Variants in PPP1R12B observed in about 807,000 individuals in gnomAD.
The protein encoded by PPP1R12B is myosin phosphatase target subunit 2.
PPP1R12B carries 76 observed loss-of-function variants against 126.1 expected under a neutral mutation model. The ratio of observed to expected loss-of-function variants is 0.60; its 90% CI spans 0.50 to 0.73. The LOEUF (loss-of-function observed/expected upper bound fraction) is 0.73. Among genes scored for constraint, PPP1R12B ranks in the 30% least tolerant of loss-of-function variants. The pLI is 0.00. For synonymous variants in PPP1R12B, 356 were observed against 434.7 expected (o/e 0.82, Z 2.25); for missense variants, 1,052 against 1,205.1 (o/e 0.87, Z 1.88).
chr1:202,528,761 A>G (rs1683617100), intron 18 of PPP1R12B, among the ~76,000 whole-genome samples: 1 of 151,654 alleles, frequency 6.6e-6, no homozygotes, highest in South Asian at 2.1e-4. Flanking sequence ...TTTTTTACAT[A>G]TATACACAGA....
rs1404033073 is a variant in PPP1R12B at position 202,588,572 on chromosome 1, A to ACTGT, written c.*8015_*8018dup. 1.3e-5 allele frequency: 2 copies of ACTGT among 152,578 alleles called. No individual in the cohort carries two copies. Among genetic ancestry groups the ACTGT allele is most frequent in the African/African-American group, 4.8e-5 (2 of 41,420 alleles). 9.5% of individuals were successfully genotyped at this position (152,578 alleles called of 1,614,324 possible). A position where few individuals can be genotyped will look rare whatever the true frequency, so the allele number is the denominator to read the frequency against. The stretch of plus-strand genomic sequence containing the variant: ...AATAAAACTGTGTTTTAACTTTGTG[A>ACTGT]CTGTCTCCACAGTTCAGAGCATGGG... On this transcript the variant is annotated 3_prime_UTR_variant, in exon 24 of 24. Coordinates refer to ENST00000608999, the MANE Select transcript of PPP1R12B (RefSeq NM_002481.4).
intron 14 of PPP1R12B, among the ~76,000 whole-genome samples, chr1:202,490,367 G>A (rs1678698884): frequency 1.3e-5 from 2 of 152,098 alleles, no homozygotes; most frequent in African/African-American, 4.8e-5. Flanking sequence ...CCCAAAGTAG[G>A]TCATGTATTC....
At chr1:202,365,999 G>GC (rs895584481) in intron 1 of PPP1R12B, among the ~76,000 whole-genome samples, 7 of 150,882 alleles carry the variant, frequency 4.6e-5, no homozygotes, top group East Asian at 2.0e-4. Flanking sequence ...CTCCACTCCC[G>GC]CCCCCCCACA....
intron 13 of PPP1R12B, among the ~76,000 whole-genome samples, chr1:202,486,668 G>C (rs1344310786): frequency 1.3e-5 from 2 of 152,174 alleles, no homozygotes; most frequent in Non-Finnish European, 1.5e-5. Context: ...TTAGCAGGGC[G>C]TAGTGGCGTG....
chr1:202,435,841 A>T (rs1670737941), intron 9 of PPP1R12B, among the ~76,000 whole-genome samples: 1 of 152,244 alleles, frequency 6.6e-6, no homozygotes, highest in Non-Finnish European at 1.5e-5. Flanking sequence ...TAGAAGCATC[A>T]TCGTGAATAA....
At chr1:202,370,824 C>T (rs2148447412) in intron 1 of PPP1R12B, among the ~76,000 whole-genome samples, 2 of 152,222 alleles carry the variant, frequency 1.3e-5, no homozygotes, top group South Asian at 4.2e-4. Flanking sequence ...AGGCATCAGC[C>T]ATCGTGCCCG....
At chr1:202,363,850 CT>C (rs1658661631) in intron 1 of PPP1R12B, among the ~76,000 whole-genome samples, 1 of 152,164 alleles carries the variant, frequency 6.6e-6, no homozygotes, top group Non-Finnish European at 1.5e-5. Context: ...CAGCCTCTGC[CT>C]TAGGGTTCAA....
At chr1:202,445,044 A>C in intron 12 of PPP1R12B, 1 of 1,247,276 alleles carries the variant, frequency 8.0e-7, no homozygotes, top group Non-Finnish European at 1.0e-6. Flanking sequence ...GCTGTTTTGC[A>C]GTGCTTCATT....
At chr1:202,367,969 T>G (rs115063581) in intron 1 of PPP1R12B, among the ~76,000 whole-genome samples, 1,550 of 152,052 alleles carry the variant, frequency 0.01, 25 homozygotes, top group African/African-American at 0.034. Context: ...CTGTTTTTTT[T>G]TTGTTTTTTT....
intron 18 of PPP1R12B, chr1:202,501,873 G>A (rs1259752095): frequency 2.5e-5 from 25 of 985,020 alleles, no homozygotes; most frequent in Non-Finnish European, 3.0e-5. Flanking sequence ...TTACATGTTC[G>A]AATTGACTTG....
intron 14 of PPP1R12B, among the ~76,000 whole-genome samples, chr1:202,489,393 A>T (rs1484653050): frequency 1.3e-5 from 2 of 152,252 alleles, no homozygotes; most frequent in Non-Finnish European, 2.9e-5. Flanking sequence ...ACATATGTTC[A>T]TATAAAAACT....
intron 1 of PPP1R12B, among the ~76,000 whole-genome samples, chr1:202,395,663 A>AATAAT (rs534896989): frequency 2.7e-4 from 41 of 152,324 alleles, no homozygotes; most frequent in Non-Finnish European, 5.3e-4. Flanking sequence ...CTGCTATTAT[A>AATAAT]ACCAGTTCTA....
chr1:202,418,818 A>G (rs1215491453), intron 2 of PPP1R12B, among the ~76,000 whole-genome samples: 1 of 152,150 alleles, frequency 6.6e-6, no homozygotes, highest in East Asian at 1.9e-4. Context: ...TGCAATGGAA[A>G]AAAAAACATT....
chr1:202,574,881 T>C (rs1688945221), intron 23 of PPP1R12B: 2 of 1,024,390 alleles, frequency 2.0e-6, no homozygotes, highest in Middle Eastern at 2.2e-4. Flanking sequence ...CTTTCTTGCA[T>C]GCAAACTAAA....
chr1:202,398,574 T>C (rs1665344376), intron 1 of PPP1R12B, among the ~76,000 whole-genome samples: 1 of 152,224 alleles, frequency 6.6e-6, no homozygotes, highest in African/African-American at 2.4e-5. Flanking sequence ...AGAGACAGTG[T>C]GCCAGGCATG....
intron 18 of PPP1R12B, among the ~76,000 whole-genome samples, chr1:202,523,249 G>C (rs756546181): frequency 2.0e-5 from 3 of 152,128 alleles, no homozygotes; most frequent in Non-Finnish European, 4.4e-5. Flanking sequence ...CAGGGAGTAA[G>C]ATGAAAAGGC....
At chr1:202,368,263 G>A (rs1049907224) in intron 1 of PPP1R12B, among the ~76,000 whole-genome samples, 16 of 151,886 alleles carry the variant, frequency 1.1e-4, no homozygotes, top group African/African-American at 2.7e-4. Context: ...GAGCCACTGC[G>A]CCCGGCCAAG....
At chr1:202,460,015 G>T (rs1317381706) in intron 13 of PPP1R12B, among the ~76,000 whole-genome samples, 3 of 152,186 alleles carry the variant, frequency 2.0e-5, no homozygotes, top group Non-Finnish European at 4.4e-5. Flanking sequence ...TAGGGTAGTG[G>T]TTGGGTTCAT....
At chr1:202,446,747 C>T (rs1481094146) in intron 12 of PPP1R12B, among the ~76,000 whole-genome samples, 3 of 151,290 alleles carry the variant, frequency 2.0e-5, no homozygotes, top group Non-Finnish European at 4.4e-5. Flanking sequence ...AACGATAAAT[C>T]TAAATAGTAG....
Sources: allele counts gnomAD v4.1 joint callset (sites outside exome capture counted in the v4.1 genomes callset), GRCh38; gene constraint gnomAD v4.1.1; transcripts MANE v1.5; gene names NCBI Gene and HGNC (gene_info 2026-07-23, HGNC 2026-07-21).